The following LAMTOR3 variants were observed in gnomAD, a reference collection of about 807,000 sequenced individuals.
LAMTOR3 encodes ragulator complex protein LAMTOR3.
LAMTOR3 carries 14 observed loss-of-function variants against 20.3 expected under a neutral mutation model. The ratio of observed to expected loss-of-function variants is 0.69; its 90% CI spans 0.46 to 1.08. The LOEUF is 1.08. Ranked by LOEUF, LAMTOR3 falls within the 50% of genes least tolerant of loss-of-function variation. The pLI is 0.00. For synonymous variants in LAMTOR3, 40 were observed against 49.4 expected, an observed-to-expected ratio of 0.81 and a Z score of 0.80; for missense variants, 125 against 143.7, an observed-to-expected ratio of 0.87 and a Z score of 0.67.
At chr4:99,888,722 G>A (rs567234065) in intron 3 of LAMTOR3, among the ~76,000 whole-genome samples, 4 of 152,212 alleles carry the variant, frequency 2.6e-5, no homozygotes, top group Non-Finnish European at 4.4e-5. Flanking sequence ...AAACTTTTAA[G>A]TCAGAAAAGT....
chr4:99,885,721 T>C lies in LAMTOR3; in HGVS notation c.104-46A>G, dbSNP rs1454024274. ...AATAAAAATTATGCAGAGGATATGG[T>C]AGAGAGATTTACAGCCCTTTTTTTT... On this transcript the variant is annotated intron_variant, in intron 4 of 6. Transcript: ENST00000499666. 2.0e-6 allele frequency: 3 copies of C among 1,529,364 alleles called. No individual in the cohort carries two copies. The African/African-American group carries it at 4.2e-5, about 21-fold the overall frequency. The allele number at this position is 1,529,364 out of a possible 1,614,324, so 94.7% of individuals were successfully genotyped here. A position where few individuals can be genotyped will look rare whatever the true frequency, so the allele number is the denominator to read the frequency against.
At chr4:99,893,404 C>G (rs1312292533) in intron 2 of LAMTOR3, among the ~76,000 whole-genome samples, 1 of 152,120 alleles carries the variant, frequency 6.6e-6, no homozygotes, top group Non-Finnish European at 1.5e-5. Context: ...ATGGATTAAT[C>G]AGGTATCTCT....
intron 6 of LAMTOR3, among the ~76,000 whole-genome samples, chr4:99,883,001 A>G (rs1421695115): frequency 6.6e-6 from 1 of 152,062 alleles, no homozygotes; most frequent in Non-Finnish European, 1.5e-5. Flanking sequence ...CTGAACTCTC[A>G]AGGAAAGGGT....
At position 99,881,929 on chromosome 4, in the gene LAMTOR3, A is replaced by C. The variant is rs191940376; in HGVS notation, c.*65T>G. ...GGATAAAAGTATTATTGTAGTCTAA[A>C]GATTGCTGGATTGATATTGTGTTGT... On this transcript the variant is annotated 3_prime_UTR_variant, in exon 7 of 7. Coordinates refer to ENST00000499666, the MANE Select transcript of LAMTOR3 (RefSeq NM_021970.4). 2.7e-6 allele frequency: 3 copies of C among 1,121,818 alleles called. No homozygotes were observed. Among genetic ancestry groups the C allele is most frequent in the Middle Eastern group, 2.7e-4 (1 of 3,734 alleles). The allele number at this position is 1,121,818 out of a possible 1,614,324, so 69.5% of individuals were successfully genotyped here. A position where few individuals can be genotyped will look rare whatever the true frequency, so the allele number is the denominator to read the frequency against.
rs1724777806 is a variant in LAMTOR3 at position 99,879,466 on chromosome 4, T to C, written c.*2528A>G. 6.6e-6 allele frequency: 1 copy of C among 152,202 alleles called. No homozygotes were observed. Among genetic ancestry groups the C allele is most frequent in the African/African-American group, 2.4e-5 (1 of 41,440 alleles). 9.4% of individuals were successfully genotyped at this position (152,202 alleles called of 1,614,324 possible). The stretch of plus-strand genomic sequence containing the variant: ...AGGATTTTTAGATATACAATTATTA[T>C]CTGCAAATAGAAATCTGGCCACCTC... On this transcript the variant is annotated 3_prime_UTR_variant, in exon 7 of 7. Coordinates refer to ENST00000499666, the MANE Select transcript of LAMTOR3 (RefSeq NM_021970.4).
rs1724759065 is a variant in LAMTOR3 at position 99,878,718 on chromosome 4, CTTCA to C, written c.*3272_*3275del. The C allele has an allele frequency of 6.6e-6, 1 of 152,186 alleles. No homozygotes were observed. Among genetic ancestry groups the C allele is most frequent in the Non-Finnish European group, 1.5e-5 (1 of 68,034 alleles). 9.4% of individuals were successfully genotyped at this position (152,186 alleles called of 1,614,324 possible). A position where few individuals can be genotyped will look rare whatever the true frequency, so the allele number is the denominator to read the frequency against. On this transcript the variant is annotated 3_prime_UTR_variant, in exon 7 of 7. Coordinates refer to ENST00000499666, the MANE Select transcript of LAMTOR3 (RefSeq NM_021970.4). ...TTTCATCTCAGTACCTAAAGCACTT[CTTCA>C]TTCCTTTTTCCATTGGGCAAATTAG...
rs560205572 is a variant in LAMTOR3 at position 99,882,056 on chromosome 4, T to A, written c.313A>T (p.Ser105Cys). Residue 105 changes from serine (S) to cysteine (C), a missense_variant, in exon 7 of 7, where the codon AGC becomes TGC. Around this residue, in one of 3 missense-constraint regions of LAMTOR3, gnomAD observed 22 missense variants for 31.2 expected, o/e 0.70. Transcript: ENST00000499666. ...AATGGAGCAAGTTCCTTTTCTAGGCTGACAATTAGTCCTAAAATAAAGAGA... is the reference window on the plus strand; with the variant it reads ...AATGGAGCAAGTTCCTTTTCTAGGCAGACAATTAGTCCTAAAATAAAGAGA... Reference protein sequence around the residue: ...SSSANTGLIVSLEKELAPLFE... With the variant: ...SSSANTGLIVCLEKELAPLFE... 3.8e-6 allele frequency: 6 copies of A among 1,578,832 alleles called. No individual in the cohort carries two copies. The highest frequency in any genetic ancestry group is 5.1e-6 in the Non-Finnish European group (6 of 1,165,850).
At chr4:99,887,388 G>A in intron 3 of LAMTOR3, 34 bp from the exon 4 acceptor site, 2 of 1,057,192 alleles carry the variant, frequency 1.9e-6, no homozygotes, top group Non-Finnish European at 2.6e-6. Context: ...TATAAAAAAA[G>A]TTAAAATATA....
intron 5 of LAMTOR3, 49 bp from the exon 6 acceptor site, chr4:99,884,174 G>A (rs779099520): frequency 3.6e-6 from 5 of 1,394,964 alleles, no homozygotes; most frequent in Non-Finnish European, 5.1e-6. Flanking sequence ...TGAAAAGGTA[G>A]TATAACTAAA....
At chr4:99,886,395 G>A (rs984633105) in intron 4 of LAMTOR3, among the ~76,000 whole-genome samples, 42 of 152,318 alleles carry the variant, frequency 2.8e-4, no homozygotes, top group African/African-American at 7.7e-4. Flanking sequence ...GGCAATGTCC[G>A]AAGATTATAA....
chr4:99,883,670 C>T (rs989138536), intron 6 of LAMTOR3, among the ~76,000 whole-genome samples: 2 of 151,532 alleles, frequency 1.3e-5, no homozygotes, highest in Non-Finnish European at 2.9e-5. Context: ...GTCTGTAACT[C>T]ATCGATCATT....
At chr4:99,888,810 T>A (rs987070686) in intron 3 of LAMTOR3, among the ~76,000 whole-genome samples, 5 of 152,198 alleles carry the variant, frequency 3.3e-5, no homozygotes, top group Non-Finnish European at 7.4e-5. Context: ...TAAAATAACT[T>A]TATAAATGAC....
At chr4:99,893,277 G>C (rs1305997918) in intron 2 of LAMTOR3, among the ~76,000 whole-genome samples, 1 of 152,098 alleles carries the variant, frequency 6.6e-6, no homozygotes, top group Non-Finnish European at 1.5e-5. Context: ...GCCTCCCAAA[G>C]TGCTGAGATT....
chr4:99,893,814 CAG>C (rs1470062885), intron 2 of LAMTOR3, 139 bp downstream of exon 2: 1 of 560,620 alleles, frequency 1.8e-6, no homozygotes, highest in African/African-American at 1.9e-5. Context: ...CTTCAGATAT[CAG>C]AGAAAATAAT....
chr4:99,892,052 A>C lies in LAMTOR3; in HGVS notation c.10-18T>G. ...TTTAGGTCCTGAAAGAGAGCATTAAAAAATAATGTTGTAATAATAGGCCTT... is the reference window on the plus strand; with the variant it reads ...TTTAGGTCCTGAAAGAGAGCATTAACAAATAATGTTGTAATAATAGGCCTT... On this transcript the variant is annotated intron_variant, in intron 2 of 6. Coordinates refer to ENST00000499666, the MANE Select transcript of LAMTOR3 (RefSeq NM_021970.4). 1 of 1,561,232 alleles carries C rather than the reference A, an allele frequency of 6.4e-7. No individual in the cohort carries two copies. The highest frequency in any genetic ancestry group is 8.6e-7 in the Non-Finnish European group (1 of 1,161,098).
chr4:99,881,555 T>TA lies in LAMTOR3; in HGVS notation c.*438dup, dbSNP rs1448846031. 6.4e-6 allele frequency: 1 copy of TA among 155,682 alleles called. No individual in the cohort carries two copies. The highest frequency in any genetic ancestry group is 1.9e-4 in the East Asian group (1 of 5,214). 9.6% of individuals were successfully genotyped at this position (155,682 alleles called of 1,614,324 possible). A position where few individuals can be genotyped will look rare whatever the true frequency, so the allele number is the denominator to read the frequency against. On this transcript the variant is annotated 3_prime_UTR_variant, in exon 7 of 7. Coordinates refer to ENST00000499666, the MANE Select transcript of LAMTOR3 (RefSeq NM_021970.4). ...ATGTTCCTCACTCAATGCAAAGAAA[T>TA]AAAACATAATCTGAAGAAAAATATG...
Position 99,881,920 on chromosome 4 carries a change from G to T in LAMTOR3, c.*74C>A. The T allele has an allele frequency of 9.9e-7, 1 of 1,006,940 alleles. No homozygotes were observed. The highest frequency in any genetic ancestry group is 1.5e-6 in the Non-Finnish European group (1 of 646,234). The allele number at this position is 1,006,940 out of a possible 1,614,324, so 62.4% of individuals were successfully genotyped here. On this transcript the variant is annotated 3_prime_UTR_variant, in exon 7 of 7. Transcript: ENST00000499666. ...TGAGCACATGGATAAAAGTATTATT[G>T]TAGTCTAAAGATTGCTGGATTGATA...
chr4:99,888,105 G>A (rs536838216), intron 3 of LAMTOR3, among the ~76,000 whole-genome samples: 1 of 152,316 alleles, frequency 6.6e-6, no homozygotes, highest in African/African-American at 2.4e-5. Flanking sequence ...TAAGCAGAAC[G>A]GTCAAGCTAT....
intron 2 of LAMTOR3, 34 bp from the exon 3 acceptor site, chr4:99,892,068 A>C: frequency 6.5e-7 from 1 of 1,547,648 alleles, no homozygotes; most frequent in Non-Finnish European, 8.7e-7. Flanking sequence ...ATGTTGTAAT[A>C]ATAGGCCTTC....
Sources: allele counts gnomAD v4.1 joint callset (sites outside exome capture counted in the v4.1 genomes callset), GRCh38; gene constraint gnomAD v4.1.1; regional missense constraint gnomAD v4.1.1; transcripts MANE v1.5; gene names NCBI Gene and HGNC (gene_info 2026-07-23, HGNC 2026-07-21).